CRB1: variants seen among roughly 807,000 people sequenced by gnomAD.
The protein encoded by CRB1 is protein crumbs homolog 1.
In CRB1, 83 loss-of-function variants were observed where a neutral mutation model predicts 120.0. That is an observed-to-expected ratio of 0.69 (90% CI 0.58 to 0.83). The LOEUF (loss-of-function observed/expected upper bound fraction) is 0.83, where lower values mean the gene tolerates loss of function less well. Among genes scored for constraint, CRB1 ranks in the 40% least tolerant of loss-of-function variants. The probability of loss-of-function intolerance (pLI) is 0.00; values close to 1 mark genes in which losing one functional copy is unlikely to be tolerated. For missense variants in CRB1, 1,699 were observed against 1,687.6 expected, an observed-to-expected ratio of 1.01 and a Z score of -0.12; for synonymous variants, 625 against 612.5, an observed-to-expected ratio of 1.02 and a Z score of -0.30.
At chr1:197,376,256 T>G (rs1291371442) in intron 5 of CRB1, among the ~76,000 whole-genome samples, 1 of 152,192 alleles carries the variant, frequency 6.6e-6, no homozygotes, top group Non-Finnish European at 1.5e-5. Flanking sequence ...ATCTAAATTT[T>G]TGTCTCCAGC....
rs1275856765 is a variant in CRB1, at chr1:197,438,603, A to G, written c.3806A>G (p.Tyr1269Cys). 6.2e-7 allele frequency: 1 copy of G among 1,613,052 alleles called. No homozygotes were observed. Among genetic ancestry groups the G allele is most frequent in the African/African-American group, 1.3e-5 (1 of 75,014 alleles). Residue 1269 changes from tyrosine to cysteine, a missense_variant, in exon 10 of 12, where the codon TAC becomes TGC. Tyr to Cys is a radical substitution (Grantham distance 194, BLOSUM62 -2). Transcript: ENST00000367400. The part of the protein sequence containing the change: ...CGNEKTNLTC[Y>C]NGGNCTEFQT... ...AATGAGAAGACAAATCTCACTTGCTACAATGGAGGCAACTGCACAGAGTTC... is the reference window on the plus strand; with the variant it reads ...AATGAGAAGACAAATCTCACTTGCTGCAATGGAGGCAACTGCACAGAGTTC...
At chr1:197,284,859 T>C (rs1290531024) in intron 1 of CRB1, among the ~76,000 whole-genome samples, 2 of 151,956 alleles carry the variant, frequency 1.3e-5, no homozygotes, top group Non-Finnish European at 2.9e-5. Flanking sequence ...GTAATATCTT[T>C]TCTTCATTGA....
chr1:197,455,776 TTTAAA>T (rs1339632140), intron 11 of CRB1, among the ~76,000 whole-genome samples: 1 of 152,132 alleles, frequency 6.6e-6, no homozygotes, highest in African/African-American at 2.4e-5. Flanking sequence ...CCTAAATTTC[TTTAAA>T]TTAAAAATGA....
At chr1:197,440,566 T>C (rs1207145962) in intron 10 of CRB1, 1 of 152,220 alleles carries the variant, frequency 6.6e-6, no homozygotes, top group Non-Finnish European at 1.5e-5. Flanking sequence ...TAACCTCTAA[T>C]AAAAATGCCA....
At chr1:197,220,089 C>T in the CRB1 span, among the ~76,000 whole-genome samples, 4 of 152,072 alleles carry the variant, frequency 2.6e-5, no homozygotes, top group Non-Finnish European at 4.4e-5. Flanking sequence ...CCAGTAGACA[C>T]AAGTCATCCT....
chr1:197,437,846 C>T (rs1665236520), intron 9 of CRB1: 1 of 153,426 alleles, frequency 6.5e-6, no homozygotes, highest in Non-Finnish European at 1.5e-5. Flanking sequence ...CACTATTAAA[C>T]TCTTTAAATA....
the CRB1 span, among the ~76,000 whole-genome samples, chr1:197,257,024 C>A: frequency 6.0e-5 from 9 of 150,880 alleles, no homozygotes; most frequent in African/African-American, 2.2e-4. Context: ...CATCTGCAAA[C>A]TGGAGAACCA....
chr1:197,253,989 G>A, the CRB1 span, among the ~76,000 whole-genome samples: 1 of 152,016 alleles, frequency 6.6e-6, no homozygotes, highest in Non-Finnish European at 1.5e-5. Context: ...AATGTCCTAG[G>A]GATGCTAATG....
chr1:197,336,845 G>C (rs1659184682), intron 2 of CRB1, among the ~76,000 whole-genome samples: 1 of 152,138 alleles, frequency 6.6e-6, no homozygotes, highest in Non-Finnish European at 1.5e-5. Context: ...ATGTTGGTTG[G>C]AGTCAGGAAA....
chr1:197,299,423 G>GCT (rs1656736142), intron 1 of CRB1, among the ~76,000 whole-genome samples: 1 of 152,042 alleles, frequency 6.6e-6, no homozygotes, highest in East Asian at 1.9e-4. Flanking sequence ...ATTGGCATAA[G>GCT]CTCTGGAAAG....
At position 197,476,397 on chromosome 1, in the gene CRB1, T is replaced by TGTGTGCGC. The variant is rs1553269046; in HGVS notation, c.4006-1266_4006-1265insTGTGCGCG. On this transcript the variant is annotated intron_variant, in intron 11 of 11. Transcript: ENST00000367400. ...GTGTGTGTGTGTGTGTGTGTGTGTG[T>TGTGTGCGC]GCGCGTCTTCCTCTTCTCCTATCTC... 8.2e-5 allele frequency among the ~76,000 whole-genome samples: 12 copies of TGTGTGCGC among 146,014 alleles called. 1 individual carries two copies. The South Asian group carries it at 2.0e-3, about 24-fold the overall frequency.
chr1:197,240,841 A>T, the CRB1 span, among the ~76,000 whole-genome samples: 1 of 152,196 alleles, frequency 6.6e-6, no homozygotes, highest in African/African-American at 2.4e-5. Context: ...ACTGTGTAAA[A>T]GTGTCCCTAT....
chr1:197,230,501 G>A, the CRB1 span, among the ~76,000 whole-genome samples: 3 of 152,044 alleles, frequency 2.0e-5, no homozygotes, highest in East Asian at 5.8e-4. Context: ...GTCTTAAGAT[G>A]GATATGACAA....
Position 197,435,508 on chromosome 1 carries a change from A to G in CRB1, c.3645A>G (p.Ile1215Met), listed in dbSNP as rs763516726. The G allele has an allele frequency of 6.2e-7, 1 of 1,611,286 alleles. No homozygotes were observed. Residue 1215 changes from isoleucine (I) to methionine (M), a missense_variant, in exon 9 of 12, where the codon ATA (isoleucine) becomes ATG (methionine). Physicochemically the swap from Ile to Met is conservative, Grantham distance 10. Transcript: ENST00000367400. Reference protein sequence around the residue: ...GYTGVNCEVDIDNCQSHQCAN... With the variant: ...GYTGVNCEVDMDNCQSHQCAN... ...CTGGTGTGAACTGTGAAGTGGATATAGACAACTGCCAGAGTCACCAGTGTG... is the reference window on the plus strand; with the variant it reads ...CTGGTGTGAACTGTGAAGTGGATATGGACAACTGCCAGAGTCACCAGTGTG...
chr1:197,230,723 T>C, the CRB1 span, among the ~76,000 whole-genome samples: 6 of 152,156 alleles, frequency 3.9e-5, no homozygotes, highest in Non-Finnish European at 7.4e-5. Flanking sequence ...CTTGTATTTT[T>C]CAGAGAAAAA....
chr1:197,276,273 GA>G (rs1052855633), intron 1 of CRB1, among the ~76,000 whole-genome samples: 7 of 151,848 alleles, frequency 4.6e-5, no homozygotes, highest in African/African-American at 1.7e-4. Flanking sequence ...GGTTTGACGG[GA>G]CCAAAAATTT....
intron 11 of CRB1, among the ~76,000 whole-genome samples, chr1:197,459,791 G>A (rs1191069310): frequency 6.6e-6 from 1 of 151,996 alleles, no homozygotes; most frequent in Non-Finnish European, 1.5e-5. Context: ...GGAACTCAAA[G>A]CAATACAAAC....
At chr1:197,334,029 T>C (rs1365989164) in intron 2 of CRB1, among the ~76,000 whole-genome samples, 1 of 152,246 alleles carries the variant, frequency 6.6e-6, no homozygotes, top group East Asian at 1.9e-4. Flanking sequence ...TGTAGATCAA[T>C]GGGTCTCAAG....
intron 6 of CRB1, among the ~76,000 whole-genome samples, chr1:197,422,370 T>TGTGCA (rs1664381648): frequency 2.0e-5 from 3 of 152,116 alleles, no homozygotes; most frequent in Non-Finnish European, 4.4e-5. Flanking sequence ...CATGATATCT[T>TGTGCA]GTGCATAGTA....
Sources: allele counts gnomAD v4.1 joint callset (sites outside exome capture counted in the v4.1 genomes callset), GRCh38; gene constraint gnomAD v4.1.1; transcripts MANE v1.5; gene names NCBI Gene and HGNC (gene_info 2026-07-23, HGNC 2026-07-21).